Variants in GMEB1 observed in about 807,000 individuals in gnomAD.
GMEB1 encodes the protein glucocorticoid modulatory element-binding protein 1.
A neutral mutation model predicts 52.4 loss-of-function variants in GMEB1; 6 were observed. The ratio of observed to expected loss-of-function variants is 0.11; its 90% CI spans 0.06 to 0.23. The LOEUF (loss-of-function observed/expected upper bound fraction) is 0.23. Among genes scored for constraint, GMEB1 ranks in the 10% least tolerant of loss-of-function variants. The pLI is 1.00. For missense variants in GMEB1, 486 were observed against 685.6 expected (o/e 0.71, Z 3.25); for synonymous variants, 255 against 244.9 (o/e 1.04, Z -0.38).
In GMEB1 at chr1:28,717,309, C is replaced by T. The variant is rs1368600322; in HGVS notation, c.*2536C>T. 1 of 152,136 alleles carries T rather than the reference C, an allele frequency of 6.6e-6. No individual in the cohort carries two copies. Among genetic ancestry groups the T allele is most frequent in the Non-Finnish European group, 1.5e-5 (1 of 68,128 alleles). 9.4% of individuals were successfully genotyped at this position (152,136 alleles called of 1,614,324 possible). ...GGTTCAAGTGATTCTCCTGCCTCAG[C>T]CTCCTGAGTAGCTGGGATTACAGGC... On this transcript the variant is annotated 3_prime_UTR_variant, in exon 10 of 10. Coordinates refer to ENST00000373816, the MANE Select transcript of GMEB1 (RefSeq NM_001319674.2).
intron 2 of GMEB1, among the ~76,000 whole-genome samples, chr1:28,687,995 A>G (rs1040842183): frequency 2.0e-5 from 3 of 152,064 alleles, no homozygotes; most frequent in African/African-American, 7.2e-5. Flanking sequence ...TTCCAAATGT[A>G]TTTATTTGGC....
intron 5 of GMEB1, among the ~76,000 whole-genome samples, chr1:28,694,267 T>A (rs1470070604): frequency 6.7e-6 from 1 of 149,936 alleles, no homozygotes; most frequent in Non-Finnish European, 1.5e-5. Flanking sequence ...CTCGGCTCAC[T>A]GCAACCTCTG....
chr1:28,673,937 G>C (rs890760988), intron 1 of GMEB1, among the ~76,000 whole-genome samples: 3 of 151,958 alleles, frequency 2.0e-5, no homozygotes, highest in African/African-American at 7.2e-5. Flanking sequence ...CACGAGGTCA[G>C]GAGTTCAAGA....
intron 9 of GMEB1, 82 bp downstream of exon 9, chr1:28,710,724 G>T: frequency 2.8e-5 from 27 of 969,334 alleles, no homozygotes; most frequent in Admixed American, 3.9e-5. Flanking sequence ...TTTTGTTGGG[G>T]TAACTTTTTT....
rs1260455703 is a variant in GMEB1, at chr1:28,687,377, C to CAAAAAAAAAAAAAAAAAA, written c.129-2726_129-2725insAAAAAAAAAAAAAAAAAA. On this transcript the variant is annotated intron_variant, in intron 2 of 9. Transcript: ENST00000373816. ...ACACACACACACACACACACACACA[C>CAAAAAAAAAAAAAAAAAA]ACACACACACAAAAAAAGACAGTGG... Among the ~76,000 whole-genome samples the CAAAAAAAAAAAAAAAAAA allele has an allele frequency of 2.7e-4, 4 of 14,798 alleles. 1 individual carries two copies. Among genetic ancestry groups the CAAAAAAAAAAAAAAAAAA allele is most frequent in the African/African-American group, 3.9e-4 (2 of 5,158 alleles). 9.7% of individuals were successfully genotyped at this position (14,798 alleles called of 152,430 possible).
At chr1:28,680,294 T>C (rs1371490030) in intron 1 of GMEB1, among the ~76,000 whole-genome samples, 2 of 152,138 alleles carry the variant, frequency 1.3e-5, no homozygotes, top group Non-Finnish European at 2.9e-5. Context: ...TGGACAAAAA[T>C]GTATTGCATA....
At chr1:28,691,401 C>T (rs540729142) in intron 3 of GMEB1, among the ~76,000 whole-genome samples, 184 bp from the exon 4 acceptor site, 1 of 152,272 alleles carries the variant, frequency 6.6e-6, no homozygotes, top group South Asian at 2.1e-4. Context: ...AGTATGGTGT[C>T]TGGCACACTG....
rs201698667 is a variant in GMEB1, at chr1:28,710,636, C to T, written c.985C>T (p.Leu329=). The T allele has an allele frequency of 6.1e-5, 97 of 1,590,050 alleles. 1 individual carries two copies. The East Asian group carries it at 2.2e-3, about 36-fold the overall frequency. Residue 329 remains leucine, a synonymous_variant, in exon 9 of 10, where the codon CTG becomes TTG. Transcript: ENST00000373816. Reference sequence around the variant, plus strand: ...GGGAGAAGAACAGTTTCTCTATACTCTGACAGGTATGTATAAGTTATCGCT... The same window carrying T: ...GGGAGAAGAACAGTTTCTCTATACTTTGACAGGTATGTATAAGTTATCGCT... ...EQGEEQFLYT[L]TDLERQLEEQ...
Position 28,717,590 on chromosome 1 carries a change from T to A in GMEB1, c.*2817T>A, listed in dbSNP as rs548494837. The stretch of plus-strand genomic sequence containing the variant: ...TTATTTTTCTTTTCAAAATATCTAA[T>A]AGACTTAGCAATCAATTTAGAACAA... On this transcript the variant is annotated 3_prime_UTR_variant, in exon 10 of 10. Transcript: ENST00000373816. 1 of 152,366 alleles carries A rather than the reference T, an allele frequency of 6.6e-6. No individual in the cohort carries two copies. The highest frequency in any genetic ancestry group is 1.9e-4 in the East Asian group (1 of 5,190). The allele number at this position is 152,366 out of a possible 1,614,324, so 9.4% of individuals were successfully genotyped here. A position where few individuals can be genotyped will look rare whatever the true frequency, so the allele number is the denominator to read the frequency against.
intron 2 of GMEB1, among the ~76,000 whole-genome samples, chr1:28,689,353 G>A (rs1192663058): frequency 6.6e-6 from 1 of 152,098 alleles, no homozygotes; most frequent in Non-Finnish European, 1.5e-5. Context: ...GGAGCTGGGT[G>A]CGGTGGCTCA....
At chr1:28,707,381 T>C (rs566375302) in intron 8 of GMEB1, among the ~76,000 whole-genome samples, 218 of 151,772 alleles carry the variant, frequency 1.4e-3, no homozygotes, top group Middle Eastern at 0.01. Flanking sequence ...GGGGAAAGAG[T>C]AGAAACAAGA....
intron 1 of GMEB1, among the ~76,000 whole-genome samples, chr1:28,677,936 C>A (rs938826296): frequency 6.6e-6 from 1 of 152,026 alleles, no homozygotes; most frequent in African/African-American, 2.4e-5. Context: ...GTAATCCCAG[C>A]ACTTTGGGAG....
chr1:28,673,155 A>G (rs963755714), intron 1 of GMEB1, among the ~76,000 whole-genome samples: 40 of 152,288 alleles, frequency 2.6e-4, no homozygotes, highest in Non-Finnish European at 5.0e-4. Context: ...CGGCCTCCCG[A>G]AGTGCTGGGA....
Position 28,701,266 on chromosome 1 carries a change from GTCTTTTTT to G in GMEB1, c.599-1170_599-1163del, listed in dbSNP as rs1252494848. ...TCTTGATTCTCTTTGTTTAAAAGCT[GTCTTTTTT>G]TTTTTTTTTTTGAGATGATTTCGCT... On this transcript the variant is annotated intron_variant, in intron 6 of 9. Transcript: ENST00000373816. 1.0e-3 allele frequency among the ~76,000 whole-genome samples: 92 copies of G among 87,638 alleles called. 2 individuals are homozygous for G. The highest frequency in any genetic ancestry group is 3.6e-3 in the African/African-American group (87 of 24,230). 57.5% of individuals were successfully genotyped at this position (87,638 alleles called of 152,430 possible).
intron 1 of GMEB1, among the ~76,000 whole-genome samples, chr1:28,681,647 G>A (rs1327752530): frequency 6.6e-6 from 1 of 152,092 alleles, no homozygotes; most frequent in Non-Finnish European, 1.5e-5. Context: ...AAGTATGTGT[G>A]TTTTAGGCAA....
chr1:28,712,415 G>A (rs1041861660), intron 9 of GMEB1, among the ~76,000 whole-genome samples: 2 of 152,138 alleles, frequency 1.3e-5, no homozygotes, highest in Non-Finnish European at 2.9e-5. Context: ...TTGGAGGTTC[G>A]GGGGGAGGGC....
intron 8 of GMEB1, among the ~76,000 whole-genome samples, chr1:28,707,083 C>T (rs928557837): frequency 2.7e-5 from 4 of 147,656 alleles, no homozygotes; most frequent in Non-Finnish European, 3.0e-5. Context: ...GCCAGGTTCA[C>T]GGCATTCTCC....
At chr1:28,698,155 G>A (rs1269581482) in intron 6 of GMEB1, among the ~76,000 whole-genome samples, 1 of 151,362 alleles carries the variant, frequency 6.6e-6, no homozygotes, top group African/African-American at 2.4e-5. Flanking sequence ...AGAAAAATGA[G>A]GTCAAGAGAT....
chr1:28,689,190 A>AT (rs1279310110), intron 2 of GMEB1, among the ~76,000 whole-genome samples: 2 of 151,734 alleles, frequency 1.3e-5, no homozygotes, highest in African/African-American at 4.8e-5. Flanking sequence ...ACACAGCCTA[A>AT]TTTTTTTGTA....
Sources: gnomAD v4.1 joint callset for allele counts (sites outside exome capture counted in the v4.1 genomes callset) on GRCh38, gnomAD v4.1.1 for gene constraint, MANE v1.5 for transcripts, NCBI Gene and HGNC (gene_info 2026-07-23, HGNC 2026-07-21) for gene names.